The following CLYBL variants were observed in gnomAD, a reference collection of about 807,000 sequenced individuals.
The protein encoded by CLYBL is citramalyl-CoA lyase, mitochondrial.
In CLYBL, 31 loss-of-function variants were observed where a neutral mutation model predicts 38.9. That is an observed-to-expected ratio of 0.80 (90% CI 0.60 to 1.08). The LOEUF is 1.08. Ranked by LOEUF, CLYBL falls within the 50% of genes least tolerant of loss-of-function variation. CLYBL has a pLI of 0.00. For synonymous variants in CLYBL, 171 were observed against 158.6 expected (o/e 1.08, Z -0.59); for missense variants, 434 against 411.6 (o/e 1.05, Z -0.47).
intron 1 of CLYBL, among the ~76,000 whole-genome samples, chr13:99,697,451 A>ACTGCAACCTCTGCCTCC (rs2047996568): frequency 6.6e-6 from 1 of 152,136 alleles, no homozygotes; most frequent in Admixed American, 6.5e-5. Flanking sequence ...ATCTTGGCTC[A>ACTGCAACCTCTGCCTCC]CTGCAACCTC....
At chr13:99,712,792 T>C (rs181930735) in intron 1 of CLYBL, among the ~76,000 whole-genome samples, 1 of 152,342 alleles carries the variant, frequency 6.6e-6, no homozygotes, top group Non-Finnish European at 1.5e-5. Context: ...TGTCGCTTTC[T>C]AGGCCAGCTG....
chr13:99,882,382 C>T (rs911175933), intron 7 of CLYBL, among the ~76,000 whole-genome samples: 6 of 152,078 alleles, frequency 3.9e-5, no homozygotes, highest in South Asian at 4.1e-4. Context: ...GGGCCAGGCG[C>T]GGTGGCTCAC....
chr13:99,805,259 T>G (rs2050209597), intron 2 of CLYBL, among the ~76,000 whole-genome samples: 1 of 152,232 alleles, frequency 6.6e-6, no homozygotes, highest in Non-Finnish European at 1.5e-5. Flanking sequence ...CCTGCTTTAA[T>G]TCTTTTGGGT....
chr13:99,619,888 A>C (rs911703281), intron 1 of CLYBL, among the ~76,000 whole-genome samples: 2 of 152,184 alleles, frequency 1.3e-5, no homozygotes, highest in Non-Finnish European at 2.9e-5. Context: ...ATTTTGGTCC[A>C]TTTGAGCTCA....
intron 2 of CLYBL, among the ~76,000 whole-genome samples, chr13:99,830,230 T>G (rs533043445): frequency 6.6e-6 from 1 of 152,202 alleles, no homozygotes; most frequent in Non-Finnish European, 1.5e-5. Context: ...ATTTTCTGCA[T>G]GATGAAAGAT....
intron 1 of CLYBL, among the ~76,000 whole-genome samples, chr13:99,619,788 C>G (rs1040598595): frequency 6.6e-6 from 1 of 152,142 alleles, no homozygotes; most frequent in African/African-American, 2.4e-5. Flanking sequence ...AGTTGACATT[C>G]CAGAGTCTAG....
chr13:99,796,444 T>A (rs2050024128), intron 2 of CLYBL, among the ~76,000 whole-genome samples: 1 of 152,146 alleles, frequency 6.6e-6, no homozygotes, highest in African/African-American at 2.4e-5. Flanking sequence ...CAGAGAACAT[T>A]TAGGGAGTAC....
intron 1 of CLYBL, among the ~76,000 whole-genome samples, chr13:99,695,069 C>T (rs1173468906): frequency 3.9e-5 from 6 of 152,098 alleles, no homozygotes; most frequent in African/African-American, 7.2e-5. Flanking sequence ...GGGTAAGCCG[C>T]GAATCCCCTC....
chr13:99,670,608 T>G (rs1366065461), intron 1 of CLYBL, among the ~76,000 whole-genome samples: 2 of 152,244 alleles, frequency 1.3e-5, no homozygotes, highest in African/African-American at 4.8e-5. Context: ...ATTTCATATT[T>G]GTGAAAGTTT....
At chr13:99,893,311 G>A (rs1198951938), downstream of CLYBL, 1 of 152,568 alleles carries the variant, frequency 6.6e-6, no homozygotes, top group African/African-American at 2.4e-5. Context: ...TTGCAGCTAG[G>A]ACCCACCAAG....
At chr13:99,790,186 A>G (rs1427271898) in intron 2 of CLYBL, among the ~76,000 whole-genome samples, 2 of 152,146 alleles carry the variant, frequency 1.3e-5, no homozygotes, top group African/African-American at 4.8e-5. Flanking sequence ...TGGAGCATTT[A>G]GCCCATTTAC....
chr13:99,692,592 A>T (rs368079991), intron 1 of CLYBL, among the ~76,000 whole-genome samples: 3 of 152,092 alleles, frequency 2.0e-5, no homozygotes, highest in African/African-American at 7.2e-5. Flanking sequence ...GCCTCCAGCC[A>T]TAAAGTTCAC....
chr13:99,623,520 T>C (rs967236584), intron 1 of CLYBL, among the ~76,000 whole-genome samples: 3 of 152,158 alleles, frequency 2.0e-5, no homozygotes, highest in African/African-American at 7.2e-5. Flanking sequence ...TCATTGGCCT[T>C]CTCCTGTTCC....
chr13:99,870,741 G>A (rs1167198211), intron 6 of CLYBL, among the ~76,000 whole-genome samples, 197 bp from the exon 7 acceptor site: 1 of 152,118 alleles, frequency 6.6e-6, no homozygotes, highest in African/African-American at 2.4e-5. Context: ...TGTTGTAGTT[G>A]TGCTTCTGTG....
rs1382712836 is a variant in CLYBL, at chr13:99,773,029, T to TGGA, written c.249+19_249+20insGGA. The TGGA allele has an allele frequency of 6.3e-7, 1 of 1,597,660 alleles. No individual in the cohort carries two copies. The highest frequency in any genetic ancestry group is 1.1e-5 in the South Asian group (1 of 87,374). On this transcript the variant is annotated intron_variant, in intron 2 of 8. Coordinates refer to ENST00000339105, the MANE Select transcript of CLYBL (RefSeq NM_206808.5). ...CAAAAAGGTAATGGCATGATTTTAG[T>TGGA]ATGAGAAAAAGAAAGGTATTGAAAT...
At chr13:99,713,128 C>A (rs2048259790) in intron 1 of CLYBL, among the ~76,000 whole-genome samples, 1 of 151,952 alleles carries the variant, frequency 6.6e-6, no homozygotes, top group East Asian at 1.9e-4. Flanking sequence ...GATTCTTGAT[C>A]CTTTTTCTGT....
Position 99,708,140 on chromosome 13 carries a change from G to A in CLYBL, c.63-64684G>A, listed in dbSNP as rs541433192. Reference sequence around the variant, plus strand: ...ATTACAGGTGCCCACTACCACACCCGGCTAATTTTTTTGTATTTTTGGTAA... The same window carrying A: ...ATTACAGGTGCCCACTACCACACCCAGCTAATTTTTTTGTATTTTTGGTAA... On this transcript the variant is annotated intron_variant, in intron 1 of 8. Transcript: ENST00000339105. Among the ~76,000 whole-genome samples the A allele has an allele frequency of 7.2e-5, 11 of 152,176 alleles. No individual in the cohort carries two copies. The South Asian group carries it at 8.3e-4, about 11-fold the overall frequency.
intron 7 of CLYBL, chr13:99,877,568 A>ATTC: frequency 4.0e-6 from 1 of 250,790 alleles, no homozygotes; most frequent in Non-Finnish European, 7.4e-6. Context: ...GAATTTTGTA[A>ATTC]TTCTTTTTTT....
At chr13:99,648,935 A>C (rs184174225) in intron 1 of CLYBL, among the ~76,000 whole-genome samples, 1 of 151,794 alleles carries the variant, frequency 6.6e-6, no homozygotes, top group Non-Finnish European at 1.5e-5. Flanking sequence ...TCATTCATAC[A>C]TTTAACCCAT....
Sources: allele counts gnomAD v4.1 joint callset (sites outside exome capture counted in the v4.1 genomes callset), GRCh38; gene constraint gnomAD v4.1.1; transcripts MANE v1.5; gene names NCBI Gene and HGNC (gene_info 2026-07-23, HGNC 2026-07-21).